Variants in DENND1A observed in about 807,000 individuals in gnomAD.
DENND1A encodes the protein DENN domain-containing protein 1A.
DENND1A carries 51 observed loss-of-function variants against 113.7 expected under a neutral mutation model. That is an observed-to-expected ratio of 0.45 (90% confidence interval 0.36 to 0.57). The LOEUF (loss-of-function observed/expected upper bound fraction) is 0.57, where lower values mean the gene tolerates loss of function less well. Ranked by LOEUF, DENND1A falls within the 20% of genes least tolerant of loss-of-function variation. The probability of loss-of-function intolerance (pLI) is 0.00; values close to 1 mark genes in which losing one functional copy is unlikely to be tolerated. For missense variants in DENND1A, 1,258 were observed against 1,395.9 expected, an observed-to-expected ratio of 0.90 and a Z score of 1.57; for synonymous variants, 565 against 570.8, an observed-to-expected ratio of 0.99 and a Z score of 0.14.
At chr9:123,565,927 A>T (rs1170516256) in intron 12 of DENND1A, among the ~76,000 whole-genome samples, 1 of 152,220 alleles carries the variant, frequency 6.6e-6, no homozygotes, top group African/African-American at 2.4e-5. Context: ...AGTATTTATC[A>T]AGCACCCTAC....
intron 11 of DENND1A, among the ~76,000 whole-genome samples, chr9:123,588,636 G>A (rs1041879160): frequency 5.2e-5 from 7 of 134,000 alleles, no homozygotes; most frequent in African/African-American, 1.3e-4. Flanking sequence ...AAAAAAAAGG[G>A]GGGGGGGGAA....
intron 20 of DENND1A, among the ~76,000 whole-genome samples, chr9:123,410,449 CCA>C (rs1429507707): frequency 6.6e-6 from 1 of 152,196 alleles, no homozygotes; most frequent in African/African-American, 2.4e-5. Flanking sequence ...TTTGGGCCAA[CCA>C]CAGTTTGATG....
At chr9:123,581,176 A>G (rs2136669685) in intron 12 of DENND1A, among the ~76,000 whole-genome samples, 2 of 152,124 alleles carry the variant, frequency 1.3e-5, no homozygotes, top group South Asian at 4.1e-4. Context: ...TAAGGAAAAG[A>G]CCATCCTCAG....
chr9:123,556,217 T>C (rs1460394375), intron 13 of DENND1A, among the ~76,000 whole-genome samples: 1 of 152,312 alleles, frequency 6.6e-6, no homozygotes, highest in African/African-American at 2.4e-5. Context: ...ACAGTGACGA[T>C]GGCACTGCCC....
At chr9:123,621,637 T>C (rs967926157) in intron 10 of DENND1A, among the ~76,000 whole-genome samples, 2 of 152,218 alleles carry the variant, frequency 1.3e-5, no homozygotes, top group Non-Finnish European at 2.9e-5. Context: ...CCTGAAAACA[T>C]TGGCTCAGTG....
intron 9 of DENND1A, among the ~76,000 whole-genome samples, chr9:123,643,057 G>A (rs2139121770): frequency 6.6e-6 from 1 of 152,254 alleles, no homozygotes; most frequent in Non-Finnish European, 1.5e-5. Context: ...CAGGACTGGG[G>A]CAAGGCTGGA....
intron 2 of DENND1A, among the ~76,000 whole-genome samples, chr9:123,853,492 C>T (rs1223539555): frequency 6.6e-6 from 1 of 151,626 alleles, no homozygotes; most frequent in Non-Finnish European, 1.5e-5. Context: ...GGTAAAACCC[C>T]ATCTCTACTA....
intron 12 of DENND1A, among the ~76,000 whole-genome samples, chr9:123,581,093 G>A (rs922526069): frequency 6.0e-5 from 9 of 150,378 alleles, no homozygotes; most frequent in African/African-American, 2.3e-4. Flanking sequence ...GGGCCATGTG[G>A]GCTCTGCAGA....
intron 10 of DENND1A, among the ~76,000 whole-genome samples, chr9:123,624,672 G>A (rs1340233838): frequency 6.6e-6 from 1 of 152,180 alleles, no homozygotes; most frequent in Non-Finnish European, 1.5e-5. Flanking sequence ...TAATTTTCTG[G>A]AGTGGAAATT....
At chr9:123,923,249 C>A (rs1183721209) in intron 1 of DENND1A, among the ~76,000 whole-genome samples, 6 of 152,202 alleles carry the variant, frequency 3.9e-5, no homozygotes, top group Non-Finnish European at 7.3e-5. Context: ...ACTACAATGG[C>A]TAAGAAAAGA....
chr9:123,511,913 C>G (rs1019741634), intron 13 of DENND1A, among the ~76,000 whole-genome samples: 1 of 152,192 alleles, frequency 6.6e-6, no homozygotes, highest in African/African-American at 2.4e-5. Context: ...TTATCAGGGT[C>G]TCGTGACTTG....
Position 123,383,799 on chromosome 9 carries a change from C to T in DENND1A, c.1875G>A (p.Arg625=), listed in dbSNP as rs768614573. ...STGPVPAPPD[R]AASIDLLEDV... ...CTTCCAGAAGGTCGATGCTGGCAGC[C>T]CGGTCAGGGGGAGCTGGGACAGGGC... The change falls in exon 23 of 24, where the codon CGG becomes CGA. Residue 625 remains arginine, a synonymous_variant. Coordinates refer to ENST00000394215, the MANE Select transcript of DENND1A (RefSeq NM_001352964.2). 1 of 1,614,094 alleles carries T rather than the reference C, an allele frequency of 6.2e-7. No individual in the cohort carries two copies. The highest frequency in any genetic ancestry group is 1.1e-5 in the South Asian group (1 of 91,084).
chr9:123,442,115 C>T (rs1465908617), intron 18 of DENND1A, among the ~76,000 whole-genome samples: 1 of 152,298 alleles, frequency 6.6e-6, no homozygotes, highest in East Asian at 1.9e-4. Context: ...CATATTACTA[C>T]CAATTACTAC....
intron 5 of DENND1A, among the ~76,000 whole-genome samples, chr9:123,706,347 T>C (rs1439293870): frequency 6.6e-6 from 1 of 151,710 alleles, no homozygotes; most frequent in Admixed American, 6.6e-5. Context: ...AGACGAGGTT[T>C]CACTATGTTG....
chr9:123,803,810 C>T (rs1045700656), intron 2 of DENND1A, among the ~76,000 whole-genome samples: 4 of 152,234 alleles, frequency 2.6e-5, no homozygotes, highest in Non-Finnish European at 5.9e-5. Context: ...TTCTTTGAAA[C>T]AGTGTCTATA....
At chr9:123,600,543 G>A (rs1470254672) in intron 11 of DENND1A, among the ~76,000 whole-genome samples, 1 of 152,202 alleles carries the variant, frequency 6.6e-6, no homozygotes, top group Non-Finnish European at 1.5e-5. Flanking sequence ...AGATTATTAT[G>A]TATAGGTATT....
intron 1 of DENND1A, among the ~76,000 whole-genome samples, chr9:123,912,174 A>C (rs1446184111): frequency 6.6e-6 from 1 of 152,218 alleles, no homozygotes; most frequent in Non-Finnish European, 1.5e-5. Flanking sequence ...ACAGCAAAAA[A>C]TTTAAGTTTA....
chr9:123,481,511 T>C (rs529529298), intron 13 of DENND1A, among the ~76,000 whole-genome samples: 1 of 152,358 alleles, frequency 6.6e-6, no homozygotes, highest in East Asian at 1.9e-4. Flanking sequence ...TCATTATTCC[T>C]ATTTTAAAGG....
intron 2 of DENND1A, among the ~76,000 whole-genome samples, chr9:123,849,969 G>A (rs1843104875): frequency 6.6e-6 from 1 of 152,202 alleles, no homozygotes; most frequent in Non-Finnish European, 1.5e-5. Context: ...AAATTTGAAT[G>A]GATGAGAAGT....
Sources: allele counts gnomAD v4.1 joint callset (sites outside exome capture counted in the v4.1 genomes callset), GRCh38; gene constraint gnomAD v4.1.1; transcripts MANE v1.5; gene names NCBI Gene and HGNC (gene_info 2026-07-23, HGNC 2026-07-21).